ABHD16A: variants seen among roughly 807,000 people sequenced by gnomAD.
The protein encoded by ABHD16A is phosphatidylserine lipase ABHD16A.
A neutral mutation model predicts 89.8 loss-of-function variants in ABHD16A; 47 were observed. The observed-to-expected ratio is 0.52, with a 90% CI of 0.41 to 0.67. ABHD16A has a LOEUF of 0.67. Ranked by LOEUF, ABHD16A falls within the 30% of genes least tolerant of loss-of-function variation. The pLI, the probability that ABHD16A is intolerant of heterozygous loss-of-function variation, is 0.00. For missense variants in ABHD16A, 580 were observed against 734.6 expected (o/e 0.79, Z 2.43); for synonymous variants, 251 against 280.4 (o/e 0.90, Z 1.05).
chr6:31,701,934 C>G, intron 2 of ABHD16A, 140 bp downstream of exon 2: 1 of 828,026 alleles, frequency 1.2e-6, no homozygotes, highest in Admixed American at 2.1e-5. Flanking sequence ...GCCTGTGTGT[C>G]TGTGTTGGAG....
rs1803748494 is a variant in ABHD16A at position 31,690,342 on chromosome 6, G to T, written c.907+197C>A. On this transcript the variant is annotated intron_variant, in intron 10 of 19. Coordinates refer to ENST00000395952, the MANE Select transcript of ABHD16A (RefSeq NM_021160.3). This position sits in a 1 kb window ranked among gnomAD's most constrained non-coding sequence, Gnocchi z 4.1. ...GTGGGGGAATGGAACAGAATGAAAA[G>T]CATAATAGCTAGGGACACAGGCCAG... The T allele has an allele frequency of 5.8e-6, 4 of 691,272 alleles. No homozygotes were observed. The highest frequency in any genetic ancestry group is 5.5e-5 in the Admixed American group (2 of 36,484). The allele number at this position is 691,272 out of a possible 1,614,324, so 42.8% of individuals were successfully genotyped here. A position where few individuals can be genotyped will look rare whatever the true frequency, so the allele number is the denominator to read the frequency against.
At chr6:31,694,594 T>C (rs1240135292) in intron 5 of ABHD16A, among the ~76,000 whole-genome samples, 3 of 152,010 alleles carry the variant, frequency 2.0e-5, no homozygotes, top group Non-Finnish European at 2.9e-5. Context: ...GGTTTCACCA[T>C]GTTAGCCAGG....
Position 31,693,350 on chromosome 6 carries a change from G to A in ABHD16A, c.503+9C>T, listed in dbSNP as rs201896604. 1.0e-4 allele frequency: 162 copies of A among 1,612,818 alleles called. No individual in the cohort carries two copies. Among genetic ancestry groups the A allele is most frequent in the Middle Eastern group, 3.3e-4 (2 of 6,084 alleles). On this transcript the variant is annotated intron_variant, in intron 6 of 19. Transcript: ENST00000395952. This position sits in a 1 kb window ranked among gnomAD's most constrained non-coding sequence, Gnocchi z 5.0. ...GGGGAGAGATACAGCAAAAGAACTG[G>A]GGCCTCACCGGCTGCTGGGTTCTTC... is the stretch of plus-strand genomic sequence containing the variant.
intron 4 of ABHD16A, among the ~76,000 whole-genome samples, chr6:31,697,349 C>T (rs942472607): frequency 1.3e-5 from 2 of 152,202 alleles, no homozygotes; most frequent in Non-Finnish European, 2.9e-5. Context: ...TTAAATGACA[C>T]TATTAAACAC....
At position 31,702,955 on chromosome 6, in the gene ABHD16A, G is replaced by C. The variant is rs1051789858; in HGVS notation, c.132+195C>G. 12 of 1,297,756 alleles carry C rather than the reference G, an allele frequency of 9.2e-6. No individual in the cohort carries two copies. In the African/African-American group the frequency reaches 1.4e-4, roughly 15 times the overall value. The allele number at this position is 1,297,756 out of a possible 1,614,324, so 80.4% of individuals were successfully genotyped here. A position where few individuals can be genotyped will look rare whatever the true frequency, so the allele number is the denominator to read the frequency against. On this transcript the variant is annotated intron_variant, in intron 1 of 19. Transcript: ENST00000395952. Reference sequence around the variant, plus strand: ...GCAGTCGGAATGAGAAAGCGGTAAAGAGCGAAAAAGAAAGGAGGCGGCCAG... The same window carrying C: ...GCAGTCGGAATGAGAAAGCGGTAAACAGCGAAAAAGAAAGGAGGCGGCCAG...
At chr6:31,697,932 A>G (rs1047181618) in intron 4 of ABHD16A, among the ~76,000 whole-genome samples, 4 of 152,188 alleles carry the variant, frequency 2.6e-5, no homozygotes, top group Non-Finnish European at 4.4e-5. Flanking sequence ...AGAAGACAAT[A>G]AACAACATTT....
chr6:31,691,125 G>A (rs904846450), intron 9 of ABHD16A, among the ~76,000 whole-genome samples: 3 of 152,162 alleles, frequency 2.0e-5, no homozygotes, highest in East Asian at 1.9e-4. Context: ...CTCTTTCCAC[G>A]GCTGCTTCAT....
intron 9 of ABHD16A, chr6:31,691,324 A>T: frequency 4.2e-6 from 2 of 470,980 alleles, no homozygotes; most frequent in Non-Finnish European, 7.6e-6. Context: ...TATGAGAATT[A>T]AATATATATA....
intron 2 of ABHD16A, among the ~76,000 whole-genome samples, chr6:31,701,574 T>C (rs1805009837): frequency 6.6e-6 from 1 of 152,226 alleles, no homozygotes; most frequent in African/African-American, 2.4e-5. Context: ...TCTGGAATTA[T>C]GGAAGAATTA....
chr6:31,691,475 C>T, intron 9 of ABHD16A, 104 bp downstream of exon 9: 1 of 971,164 alleles, frequency 1.0e-6, no homozygotes, highest in Non-Finnish European at 1.6e-6. Context: ...TGAGATTATC[C>T]CCAGTAGTGG....
intron 1 of ABHD16A, 161 bp downstream of exon 1, chr6:31,702,989 C>T: frequency 4.5e-6 from 6 of 1,340,608 alleles, no homozygotes; most frequent in Non-Finnish European, 5.8e-6. Context: ...AGTCCGTAGG[C>T]GTGACTTTAA....
chr6:31,702,643 C>T (rs1183197566), intron 1 of ABHD16A: 10 of 1,524,068 alleles, frequency 6.6e-6, no homozygotes, highest in Non-Finnish European at 1.8e-6. Flanking sequence ...AATACAATGA[C>T]TCGGGTCTCC....
At chr6:31,695,516 G>A (rs1187274091) in intron 5 of ABHD16A, among the ~76,000 whole-genome samples, 3 of 151,946 alleles carry the variant, frequency 2.0e-5, no homozygotes, top group Non-Finnish European at 4.4e-5. Context: ...CTGAGGTCAG[G>A]AGTTTGAGAC....
At position 31,693,503 on chromosome 6, in the gene ABHD16A, A is replaced by T; in HGVS notation, c.430-71T>A. 1 of 1,439,274 alleles carries T rather than the reference A, an allele frequency of 6.9e-7. No homozygotes were observed. The allele number at this position is 1,439,274 out of a possible 1,614,324, so 89.2% of individuals were successfully genotyped here. A position where few individuals can be genotyped will look rare whatever the true frequency, so the allele number is the denominator to read the frequency against. On this transcript the variant is annotated intron_variant, in intron 5 of 19. Coordinates refer to ENST00000395952, the MANE Select transcript of ABHD16A (RefSeq NM_021160.3). This position sits in a 1 kb window ranked among gnomAD's most constrained non-coding sequence, Gnocchi z 5.0. ...GGCTCTCCTACCCACCCTCAACAAC[A>T]CCTTCGTTATCCAGGGGTCTGATCC... is the stretch of plus-strand genomic sequence containing the variant.
Position 31,688,008 on chromosome 6 carries a change from C to T in ABHD16A, c.1370+33G>A, listed in dbSNP as rs994166609. 3 of 1,611,532 alleles carry T rather than the reference C, an allele frequency of 1.9e-6. No individual in the cohort carries two copies. The African/African-American group carries it at 4.0e-5, about 22-fold the overall frequency. On this transcript the variant is annotated intron_variant, in intron 16 of 19. Transcript: ENST00000395952. The surrounding 1 kb of genome is among the most constrained non-coding windows in gnomAD (Gnocchi z 4.9). The stretch of plus-strand genomic sequence containing the variant: ...TGGTATCAGTATCTGTGTGTGTACA[C>T]TGCCCCCAGCGCGCACACACCCTGG...
Position 31,690,138 on chromosome 6 carries a change from G to T in ABHD16A, c.908-11C>A. The T allele has an allele frequency of 1.3e-6, 2 of 1,585,778 alleles. No individual in the cohort carries two copies. Among genetic ancestry groups the T allele is most frequent in the East Asian group, 2.3e-5 (1 of 44,312 alleles). ...GGACTGAATATCCAGCTGTAACACA[G>T]GGGGAGGAGGGACTGAGACCTTGTG... On this transcript the variant is annotated splice_polypyrimidine_tract_variant and intron_variant, in intron 10 of 19. Coordinates refer to ENST00000395952, the MANE Select transcript of ABHD16A (RefSeq NM_021160.3). The surrounding 1 kb of genome is among the most constrained non-coding windows in gnomAD (Gnocchi z 4.1).
chr6:31,692,945 T>A, intron 7 of ABHD16A, 82 bp downstream of exon 7: 1 of 1,593,650 alleles, frequency 6.3e-7, no homozygotes, highest in Non-Finnish European at 8.6e-7. Context: ...GACAGCTATT[T>A]TACAATGGAG....
Position 31,700,959 on chromosome 6 carries a change from C to T in ABHD16A, c.326G>A (p.Gly109Asp). Residue 109 changes from glycine (G) to aspartate (D), a missense_variant, in exon 4 of 20, where the codon GGT becomes GAT. Physicochemically the swap from Gly to Asp is moderately conservative, Grantham distance 94 (BLOSUM62 -1). Transcript: ENST00000395952. Reference protein sequence around the residue: ...YAGTLLLLLAGVACLRGIGRW... With the variant: ...YAGTLLLLLADVACLRGIGRW... ...CCACCTACCTCGGAGGCAGGCCACA[C>T]CTGCCAGAAGTAGCAGCAATGTCCC... 6.2e-7 allele frequency: 1 copy of T among 1,613,984 alleles called. No homozygotes were observed. The highest frequency in any genetic ancestry group is 8.5e-7 in the Non-Finnish European group (1 of 1,179,970).
At chr6:31,696,256 G>A (rs1167364367) in intron 5 of ABHD16A, among the ~76,000 whole-genome samples, 5 of 151,942 alleles carry the variant, frequency 3.3e-5, no homozygotes, top group African/African-American at 7.3e-5. Flanking sequence ...GTTTGAACCC[G>A]GGAGTTGGAG....
Sources: gnomAD v4.1 joint callset for allele counts (sites outside exome capture counted in the v4.1 genomes callset) on GRCh38, gnomAD v4.1.1 for gene constraint, Gnocchi (gnomAD v3.1) non-coding constraint, MANE v1.5 for transcripts, NCBI Gene and HGNC (gene_info 2026-07-23, HGNC 2026-07-21) for gene names.